Variants in PSD3 observed in about 807,000 individuals in gnomAD.
PSD3 encodes PH and SEC7 domain-containing protein 3.
In PSD3, 49 loss-of-function variants were observed where a neutral mutation model predicts 105.5. The observed-to-expected ratio is 0.46, with a 90% CI of 0.37 to 0.59. PSD3 has a LOEUF of 0.59. Ranked by LOEUF, PSD3 falls within the 20% of genes least tolerant of loss-of-function variation. PSD3 has a pLI of 0.00. For missense variants in PSD3, 1,561 were observed against 1,263.8 expected (o/e 1.24, Z -3.57); for synonymous variants, 557 against 457.8 (o/e 1.22, Z -2.77).
At chr8:18,850,752 G>A (rs1037923079) in intron 4 of PSD3, among the ~76,000 whole-genome samples, 1 of 152,088 alleles carries the variant, frequency 6.6e-6, no homozygotes, top group Non-Finnish European at 1.5e-5. Context: ...GCAAACTGAG[G>A]GGTCATGAGA....
At chr8:18,557,243 T>C (rs536730331) in intron 14 of PSD3, among the ~76,000 whole-genome samples, 43 of 152,216 alleles carry the variant, frequency 2.8e-4, no homozygotes, top group Non-Finnish European at 4.0e-4. Context: ...ATAAGATAAA[T>C]GGGTAAAGGC....
intron 1 of PSD3, among the ~76,000 whole-genome samples, chr8:19,027,629 C>G (rs1827603320): frequency 6.6e-6 from 1 of 152,178 alleles, no homozygotes; most frequent in African/African-American, 2.4e-5. Flanking sequence ...ATCAGAGCAA[C>G]TGCTGACAGA....
At chr8:18,821,684 AACACAC>A (rs10527060) in intron 4 of PSD3, among the ~76,000 whole-genome samples, 60 of 131,398 alleles carry the variant, frequency 4.6e-4, no homozygotes, top group African/African-American at 1.6e-3. Flanking sequence ...TGACCCCCAC[AACACAC>A]ACACACACAC....
intron 1 of PSD3, 55 bp downstream of exon 1, chr8:19,013,508 C>T: frequency 1.3e-6 from 2 of 1,578,712 alleles, no homozygotes; most frequent in Middle Eastern, 1.7e-4. Context: ...AACCCCACGT[C>T]GAACAGCGGC....
intron 6 of PSD3, 67 bp from the exon 7 acceptor site, chr8:18,801,449 A>C (rs1168130791): frequency 1.2e-6 from 1 of 843,672 alleles, no homozygotes; most frequent in East Asian, 2.5e-5. Flanking sequence ...TTCATAGTTA[A>C]AAGTCAATTT....
chr8:18,602,082 G>A (rs892262641), intron 11 of PSD3, among the ~76,000 whole-genome samples: 3 of 152,156 alleles, frequency 2.0e-5, no homozygotes, highest in Admixed American at 6.6e-5. Context: ...ATGCTGGAAT[G>A]GAACCTGGAG....
intron 4 of PSD3, among the ~76,000 whole-genome samples, chr8:18,816,978 G>C (rs1812270186): frequency 6.6e-6 from 1 of 152,198 alleles, no homozygotes; most frequent in Non-Finnish European, 1.5e-5. Context: ...AAGGAACTGA[G>C]GATGTGGCTT....
chr8:18,741,607 G>C (rs1225948146), intron 9 of PSD3, among the ~76,000 whole-genome samples: 1 of 152,162 alleles, frequency 6.6e-6, no homozygotes, highest in Non-Finnish European at 1.5e-5. Flanking sequence ...CTCTACTCTT[G>C]TACTGGCACT....
In PSD3 at chr8:19,013,672, C is replaced by A. The variant is rs1183691001; in HGVS notation, c.-89G>T. 2.6e-6 allele frequency: 3 copies of A among 1,153,942 alleles called. No homozygotes were observed. Among genetic ancestry groups the A allele is most frequent in the Non-Finnish European group, 3.2e-6 (3 of 926,168 alleles). 71.5% of individuals were successfully genotyped at this position (1,153,942 alleles called of 1,614,324 possible). On this transcript the variant is annotated 5_prime_UTR_variant, in exon 1 of 16. Coordinates refer to ENST00000327040, the MANE Select transcript of PSD3 (RefSeq NM_015310.4). ...GGGCGCGAGTGCCGGCGGCCAGCGC[C>A]GCGTGCTCTTTGTTGAGCTCCCGGG...
rs76825949 is a variant in PSD3, at chr8:18,633,416, C to T, written c.2217-610G>A. Among the ~76,000 whole-genome samples the T allele has an allele frequency of 2.7e-4, 41 of 152,142 alleles. 1 individual carries two copies. The East Asian group carries it at 7.0e-3, about 26-fold the overall frequency. On this transcript the variant is annotated intron_variant, in intron 10 of 15. Coordinates refer to ENST00000327040, the MANE Select transcript of PSD3 (RefSeq NM_015310.4). ...ATGTGACAGCTGCTACTTTCTCAAC[C>T]GCCATAAAAATAGTCCCCAACATCT...
At chr8:18,908,516 T>C (rs1363007818) in intron 2 of PSD3, among the ~76,000 whole-genome samples, 4 of 152,146 alleles carry the variant, frequency 2.6e-5, no homozygotes, top group Non-Finnish European at 2.9e-5. Flanking sequence ...GATTACCCCT[T>C]TCACCCTGCA....
At chr8:18,818,878 T>C (rs1812449858) in intron 4 of PSD3, among the ~76,000 whole-genome samples, 1 of 151,966 alleles carries the variant, frequency 6.6e-6, no homozygotes, top group African/African-American at 2.4e-5. Flanking sequence ...CTTGGACTGA[T>C]AAATGGGGGC....
intron 15 of PSD3, among the ~76,000 whole-genome samples, chr8:18,550,071 T>C (rs1425281636): frequency 6.6e-6 from 1 of 152,232 alleles, no homozygotes; most frequent in Non-Finnish European, 1.5e-5. Context: ...CTTGTCCTTT[T>C]CCTGAAGATA....
chr8:18,805,106 A>T (rs781650776), intron 4 of PSD3, among the ~76,000 whole-genome samples: 1 of 152,178 alleles, frequency 6.6e-6, no homozygotes, highest in Non-Finnish European at 1.5e-5. Flanking sequence ...AGCAGTTCCC[A>T]AACTTTTCAG....
intron 11 of PSD3, among the ~76,000 whole-genome samples, chr8:18,605,012 T>A (rs1049222547): frequency 6.6e-6 from 1 of 152,204 alleles, no homozygotes; most frequent in Non-Finnish European, 1.5e-5. Context: ...AATTCCCTAC[T>A]AGGGCAGTGT....
At chr8:18,604,455 C>A (rs1384333901) in intron 11 of PSD3, among the ~76,000 whole-genome samples, 1 of 150,628 alleles carries the variant, frequency 6.6e-6, no homozygotes, top group Non-Finnish European at 1.5e-5. Flanking sequence ...TATGTGTGAG[C>A]AAAGAAATGA....
chr8:18,824,845 G>T (rs1327769477), intron 4 of PSD3, among the ~76,000 whole-genome samples: 1 of 152,086 alleles, frequency 6.6e-6, no homozygotes, highest in East Asian at 1.9e-4. Flanking sequence ...GCGTGCCAGG[G>T]CATACACGAG....
intron 11 of PSD3, among the ~76,000 whole-genome samples, chr8:18,619,901 G>C (rs942493050): frequency 1.3e-5 from 2 of 152,152 alleles, no homozygotes; most frequent in African/African-American, 4.8e-5. Flanking sequence ...AACATCTTTG[G>C]AGAATCGCCA....
At chr8:19,034,780 A>G (rs1827888123) in intron 1 of PSD3, among the ~76,000 whole-genome samples, 1 of 152,158 alleles carries the variant, frequency 6.6e-6, no homozygotes, top group African/African-American at 2.4e-5. Context: ...TAGCTTCCAC[A>G]CGTTCACTCT....
Sources: gnomAD v4.1 joint callset for allele counts (sites outside exome capture counted in the v4.1 genomes callset) on GRCh38, gnomAD v4.1.1 for gene constraint, MANE v1.5 for transcripts, NCBI Gene and HGNC (gene_info 2026-07-23, HGNC 2026-07-21) for gene names.